Variants in KCNH7 observed in about 807,000 individuals in gnomAD.
The protein encoded by KCNH7 is voltage-gated inwardly rectifying potassium channel KCNH7.
Under a neutral mutation model 120.8 loss-of-function variants are expected in KCNH7, and 49 were observed. The ratio of observed to expected loss-of-function variants is 0.41; its 90% confidence interval spans 0.32 to 0.51. KCNH7 has a LOEUF of 0.51. Among genes scored for constraint, KCNH7 ranks in the 20% least tolerant of loss-of-function variants. The pLI is 0.38. For synonymous variants in KCNH7, 547 were observed against 516.1 expected (o/e 1.06, Z -0.81); for missense variants, 1,097 against 1,446.6 (o/e 0.76, Z 3.92).
intron 2 of KCNH7, among the ~76,000 whole-genome samples, chr2:162,670,470 C>T: frequency 2.1e-5 from 1 of 48,238 alleles, no homozygotes; most frequent in East Asian, 5.6e-4. Context: ...CGAACTCTGT[C>T]AAAAAAAAAA....
intron 2 of KCNH7, among the ~76,000 whole-genome samples, chr2:162,615,143 C>G (rs1559045378): frequency 1.3e-5 from 2 of 152,106 alleles, no homozygotes. Flanking sequence ...TTTTCATTCA[C>G]TCGAACACCT....
intron 6 of KCNH7, among the ~76,000 whole-genome samples, chr2:162,450,090 G>A (rs563008050): frequency 1.3e-5 from 2 of 152,056 alleles, no homozygotes; most frequent in South Asian, 4.2e-4. Flanking sequence ...AGATTTACTT[G>A]CGTTATCATG....
intron 2 of KCNH7, among the ~76,000 whole-genome samples, chr2:162,729,575 C>G (rs930275307): frequency 6.6e-6 from 1 of 152,054 alleles, no homozygotes; most frequent in African/African-American, 2.4e-5. Context: ...TTTGTGTATA[C>G]AGACAATCTT....
chr2:162,428,005 C>T (rs954178123), intron 8 of KCNH7, among the ~76,000 whole-genome samples: 1 of 151,680 alleles, frequency 6.6e-6, no homozygotes, highest in African/African-American at 2.4e-5. Context: ...TTATTGACTT[C>T]TGCTCTTATA....
At chr2:162,570,416 A>G (rs1216566935) in intron 2 of KCNH7, among the ~76,000 whole-genome samples, 2 of 151,830 alleles carry the variant, frequency 1.3e-5, no homozygotes. Context: ...TTTTGAGCCT[A>G]TGTGTGTCTC....
rs74751846 is a variant in KCNH7, at chr2:162,580,276, T to A, written c.308-43196A>T. Among the ~76,000 whole-genome samples the A allele has an allele frequency of 0.011, 1,606 of 152,106 alleles. 126 individuals carry two copies. The East Asian group carries it at 0.22, about 21-fold the overall frequency. On this transcript the variant is annotated intron_variant, in intron 2 of 15. Transcript: ENST00000332142. ...GTTCCCAGACCAAAGGAAAAAAGAT[T>A]TTTCTGAGTGCCTACAAAATAACAA... is the stretch of plus-strand genomic sequence containing the variant.
Position 162,838,535 on chromosome 2 carries a change from CGAG to C in KCNH7, c.-20_-18del. The C allele has an allele frequency of 1.2e-6, 2 of 1,606,616 alleles. No homozygotes were observed. The highest frequency in any genetic ancestry group is 1.7e-6 in the Non-Finnish European group (2 of 1,175,996). On this transcript the variant is annotated 5_prime_UTR_variant, in exon 1 of 16. Coordinates refer to ENST00000332142, the MANE Select transcript of KCNH7 (RefSeq NM_033272.4). ...CACAGGCATGTTGGCCCCGGTCTTC[CGAG>C]GAGCGCTCCCCCGGAGCTCTGGAGT...
At chr2:162,400,489 T>C in intron 9 of KCNH7, 48 bp from the exon 10 acceptor site, 1 of 1,591,636 alleles carries the variant, frequency 6.3e-7, no homozygotes, top group Non-Finnish European at 8.6e-7. Flanking sequence ...TCTGGGTATC[T>C]CTGCCTGAAA....
At chr2:162,635,926 T>G (rs148469366) in intron 2 of KCNH7, among the ~76,000 whole-genome samples, 288 of 152,174 alleles carry the variant, frequency 1.9e-3, no homozygotes, top group African/African-American at 6.7e-3. Flanking sequence ...CAAATATGCC[T>G]CCTTAGTGGG....
intron 2 of KCNH7, among the ~76,000 whole-genome samples, chr2:162,570,352 C>CAT (rs1693422801): frequency 6.9e-6 from 1 of 144,370 alleles, no homozygotes; most frequent in Non-Finnish European, 1.5e-5. Context: ...AGGATTGCAA[C>CAT]CCTTGCCTTT....
At chr2:162,737,569 C>G (rs1430397898) in intron 2 of KCNH7, among the ~76,000 whole-genome samples, 1 of 151,942 alleles carries the variant, frequency 6.6e-6, no homozygotes, top group Non-Finnish European at 1.5e-5. Context: ...TGCAAGAAGA[C>G]TAAAATAAGG....
At chr2:162,500,398 A>G (rs1646424428) in intron 6 of KCNH7, among the ~76,000 whole-genome samples, 1 of 145,342 alleles carries the variant, frequency 6.9e-6, no homozygotes, top group African/African-American at 2.5e-5. Context: ...ACATGTCAAT[A>G]CATGCTTTTG....
intron 2 of KCNH7, among the ~76,000 whole-genome samples, chr2:162,740,378 G>A (rs369859656): frequency 5.9e-5 from 9 of 152,312 alleles, no homozygotes; most frequent in African/African-American, 2.2e-4. Context: ...AAAGGCCAAA[G>A]TGAGCCCACG....
At chr2:162,758,797 A>C (rs1287371977) in intron 2 of KCNH7, among the ~76,000 whole-genome samples, 2 of 152,142 alleles carry the variant, frequency 1.3e-5, no homozygotes, top group Non-Finnish European at 2.9e-5. Flanking sequence ...TTTCAATAAA[A>C]ATTAAAAGCA....
chr2:162,741,188 A>G (rs987701656), intron 2 of KCNH7, among the ~76,000 whole-genome samples: 1 of 142,560 alleles, frequency 7.0e-6, no homozygotes, highest in African/African-American at 2.9e-5. Flanking sequence ...TTAATAACAT[A>G]TGTTATTAAT....
intron 7 of KCNH7, among the ~76,000 whole-genome samples, chr2:162,445,486 A>T (rs922843716): frequency 6.6e-6 from 1 of 152,182 alleles, no homozygotes; most frequent in African/African-American, 2.4e-5. Context: ...AATGCACAAT[A>T]CATACACTTC....
At chr2:162,704,026 G>A (rs1686606808) in intron 2 of KCNH7, among the ~76,000 whole-genome samples, 2 of 152,058 alleles carry the variant, frequency 1.3e-5, no homozygotes, top group African/African-American at 4.8e-5. Flanking sequence ...TTTGTTTATA[G>A]TAATACTGTG....
At chr2:162,391,424 G>C (rs1319839665) in intron 12 of KCNH7, among the ~76,000 whole-genome samples, 1 of 152,052 alleles carries the variant, frequency 6.6e-6, no homozygotes, top group Non-Finnish European at 1.5e-5. Flanking sequence ...CAGCACCCTG[G>C]CTTCCTAAAG....
rs1574291394 is a variant in KCNH7 at position 162,708,815 on chromosome 2, T to C, written c.307+127722A>G. Among the ~76,000 whole-genome samples the C allele has an allele frequency of 2.0e-5, 3 of 152,136 alleles. No individual in the cohort carries two copies. The East Asian group carries it at 5.8e-4, about 29-fold the overall frequency. On this transcript the variant is annotated intron_variant, in intron 2 of 15. Transcript: ENST00000332142. ...TAGAGAAAGAACACTGTAGATGTCA[T>C]AGAGACGGGGAAAATCAGAGTTGCA... is the stretch of plus-strand genomic sequence containing the variant.
Sources: gnomAD v4.1 joint callset for allele counts (sites outside exome capture counted in the v4.1 genomes callset) on GRCh38, gnomAD v4.1.1 for gene constraint, MANE v1.5 for transcripts, NCBI Gene and HGNC (gene_info 2026-07-23, HGNC 2026-07-21) for gene names.